Variants in NEB observed in about 807,000 individuals in gnomAD.
The protein encoded by NEB is nemaline myopathy type 2.
NEB carries 512 observed loss-of-function variants against 952.2 expected under a neutral mutation model. That is an observed-to-expected ratio of 0.54 (90% CI 0.50 to 0.58). The LOEUF (loss-of-function observed/expected upper bound fraction) is 0.58, where lower values mean the gene tolerates loss of function less well. NEB is among the 20% of genes least tolerant of loss of function. NEB has a pLI of 0.00. For missense variants in NEB, 8,428 were observed against 9,231.1 expected, an observed-to-expected ratio of 0.91 and a Z score of 3.56; for synonymous variants, 2,900 against 3,149.8, an observed-to-expected ratio of 0.92 and a Z score of 2.66.
chr2:151,646,032 A>G (rs2098952931), intron 55 of NEB, 98 bp downstream of exon 55: 2 of 876,148 alleles, frequency 2.3e-6, no homozygotes, highest in Non-Finnish European at 3.5e-6. Context: ...AATTAATTAA[A>G]ATAATTCAGG....
chr2:151,627,349 T>G (rs2098545835), intron 69 of NEB, 144 bp from the exon 70 acceptor site: 11 of 1,365,416 alleles, frequency 8.1e-6, no homozygotes, highest in Non-Finnish European at 8.9e-6. Flanking sequence ...GAATACAGTC[T>G]CAGGTATTAC....
intron 85 of NEB, among the ~76,000 whole-genome samples, chr2:151,604,117 G>T (rs1399050432): frequency 8.3e-6 from 1 of 120,620 alleles, no homozygotes; most frequent in Non-Finnish European, 1.7e-5. Flanking sequence ...AACATCAGTT[G>T]GATCTTAGGA....
intron 178 of NEB, 52 bp downstream of exon 178, chr2:151,492,046 T>G: frequency 1.9e-6 from 3 of 1,565,608 alleles, no homozygotes; most frequent in Non-Finnish European, 2.6e-6. Context: ...ACTTTTGTTC[T>G]TCTACCCCCT....
In NEB at chr2:151,496,981, T is replaced by C; in HGVS notation, c.24353A>G (p.Glu8118Gly). The change falls in exon 172 of 182, where the codon GAG (glutamate) becomes GGG (glycine). Residue 8118 changes from glutamate (E) to glycine (G), a missense_variant. Physicochemically the swap from Glu to Gly is moderately conservative, Grantham distance 98. Around this residue, in one of 11 missense-constraint regions of NEB, gnomAD observed 3,374 missense variants for 3,651.5 expected, o/e 0.92. Coordinates refer to ENST00000397345, the MANE Select transcript of NEB (RefSeq NM_001164508.2). ...GKGTPLPVTP[E>G]MERVKHNQEN... ...TTGATTGTGTTTGACTCTCTCCATC[T>C]CAGGAGTGACAGGTAGAGGGGTTCC... is the stretch of plus-strand genomic sequence containing the variant. The C allele has an allele frequency of 6.3e-7, 1 of 1,581,850 alleles. No homozygotes were observed. The highest frequency in any genetic ancestry group is 1.3e-5 in the African/African-American group (1 of 74,510).
rs1304347632 is a variant in NEB at position 151,525,385 on chromosome 2, G to C, written c.22162-112C>G. 4.0e-6 allele frequency: 3 copies of C among 747,996 alleles called. No individual in the cohort carries two copies. The African/African-American group carries it at 5.3e-5, about 13-fold the overall frequency. The allele number at this position is 747,996 out of a possible 1,614,324, so 46.3% of individuals were successfully genotyped here. On this transcript the variant is annotated intron_variant, in intron 150 of 181. Transcript: ENST00000397345. ...ATCCATGCTCCCCATTTTGGCGTCA[G>C]TCTGGGACTTAGATAAGACCCATAT...
At chr2:151,498,680 A>G (rs1406806054) in intron 169 of NEB, among the ~76,000 whole-genome samples, 1 of 152,206 alleles carries the variant, frequency 6.6e-6, no homozygotes, top group Admixed American at 6.5e-5. Context: ...GTAGAAACAG[A>G]CAAGAAACCA....
chr2:151,663,800 C>T lies in NEB; in HGVS notation c.5511G>A (p.Leu1837=), dbSNP rs2099172870. Residue 1837 remains leucine, a synonymous_variant, in exon 45 of 182, where the codon CTG becomes CTA. Coordinates refer to ENST00000397345, the MANE Select transcript of NEB (RefSeq NM_001164508.2). Reference sequence around the variant, plus strand: ...AGTGCACCAGCTTGGGGTCATCTTCCAGGCTCCGGAAGCCAATGTGTTTCC... The same window carrying T: ...AGTGCACCAGCTTGGGGTCATCTTCTAGGCTCCGGAAGCCAATGTGTTTCC... ...AKGKHIGFRS[L]EDDPKLVHFM... 2 of 1,613,856 alleles carry T rather than the reference C, an allele frequency of 1.2e-6. No homozygotes were observed. Among genetic ancestry groups the T allele is most frequent in the Middle Eastern group, 1.7e-4 (1 of 6,058 alleles).
rs1456978397 is a variant in NEB at position 151,513,533 on chromosome 2, GT to G, written c.23241+46del. 4 of 1,396,286 alleles carry G rather than the reference GT, an allele frequency of 2.9e-6. No homozygotes were observed. The Admixed American group carries it at 7.9e-5, about 27-fold the overall frequency. The allele number at this position is 1,396,286 out of a possible 1,614,324, so 86.5% of individuals were successfully genotyped here. A position where few individuals can be genotyped will look rare whatever the true frequency, so the allele number is the denominator to read the frequency against. ...CAGAGGGACACTTTATGTCCTTAAA[GT>G]TACAACTACTTTCCTGAAAGATTGA... On this transcript the variant is annotated intron_variant, in intron 160 of 181. Coordinates refer to ENST00000397345, the MANE Select transcript of NEB (RefSeq NM_001164508.2).
At chr2:151,553,310 A>G in intron 127 of NEB, 88 bp downstream of exon 127, 1 of 1,100,950 alleles carries the variant, frequency 9.1e-7, no homozygotes, top group Middle Eastern at 2.0e-4. Flanking sequence ...CTGGCCTGTG[A>G]CAATGTCCCT....
intron 164 of NEB, 62 bp from the exon 165 acceptor site, chr2:151,505,632 A>T (rs2068194495): frequency 7.5e-7 from 1 of 1,340,002 alleles, no homozygotes; most frequent in Non-Finnish European, 1.1e-6. Context: ...ATTCTTCCCA[A>T]CATGTACATG....
chr2:151,677,781 T>C lies in NEB; in HGVS notation c.3568-10A>G, dbSNP rs774345653. On this transcript the variant is annotated splice_polypyrimidine_tract_variant and intron_variant, in intron 33 of 181. Coordinates refer to ENST00000397345, the MANE Select transcript of NEB (RefSeq NM_001164508.2). ...CTTCCTTGTAGACGTTCTACAGCAATGGAGAAAAGAGGAGTGAGGGCCTAG... is the reference window on the plus strand; with the variant it reads ...CTTCCTTGTAGACGTTCTACAGCAACGGAGAAAAGAGGAGTGAGGGCCTAG... 5.0e-6 allele frequency: 8 copies of C among 1,613,680 alleles called. No individual in the cohort carries two copies. The Admixed American group carries it at 1.3e-4, about 27-fold the overall frequency.
intron 13 of NEB, among the ~76,000 whole-genome samples, chr2:151,700,580 A>G (rs1394946325): frequency 4.5e-5 from 2 of 44,328 alleles, no homozygotes; most frequent in Non-Finnish European, 9.8e-5. Flanking sequence ...GGTCCTTCAC[A>G]TCCCTTGTAA....
intron 142 of NEB, chr2:151,534,146 G>T: frequency 9.1e-7 from 1 of 1,100,274 alleles, no homozygotes; most frequent in Non-Finnish European, 1.4e-6. Context: ...TGCAGCAGAC[G>T]GGATGACATC....
chr2:151,569,989 TA>T, intron 109 of NEB, 91 bp downstream of exon 109: 1 of 1,292,730 alleles, frequency 7.7e-7, no homozygotes. Context: ...TATGAAGTCG[TA>T]AAATGATGAC....
rs2099281291 is a variant in NEB, at chr2:151,671,220, T to C, written c.4309A>G (p.Lys1437Glu). 4 of 1,612,826 alleles carry C rather than the reference T, an allele frequency of 2.5e-6. No individual in the cohort carries two copies. Among genetic ancestry groups the C allele is most frequent in the Non-Finnish European group, 3.4e-6 (4 of 1,178,912 alleles). Residue 1437 changes from lysine (K) to glutamate (E), a missense_variant, in exon 38 of 182, where the codon AAA becomes GAA. Lys to Glu is a moderately conservative substitution (Grantham distance 56, BLOSUM62 1). This residue lies in a region of NEB where 2,851 missense variants were observed against 2,791.5 expected (regional missense o/e 1.02). Transcript: ENST00000397345. ...VNQIQSDNVY[K>E]DEYNSFLKGI... The stretch of plus-strand genomic sequence containing the variant: ...TTCAAGAAGCTGTTATACTCGTCTT[T>C]ATACACATTCTGTAAAAGGGTAAGC...
chr2:151,551,832 T>C lies in NEB; in HGVS notation c.19850A>G (p.Tyr6617Cys), dbSNP rs755633016. ...GCCTCTGACACTGTGCACATAGTCA[T>C]AGTGGTAGACAGCCTGGTGCAGAAA... Reference protein sequence around the residue: ...GKQLSDAVYHYDYVHSVRGKV... With the variant: ...GKQLSDAVYHCDYVHSVRGKV... The change falls in exon 129 of 182, where the codon TAT (tyrosine) becomes TGT (cysteine). Residue 6617 changes from tyrosine to cysteine, a missense_variant. Physicochemically the swap from Tyr to Cys is radical, Grantham distance 194. This residue lies in a region of NEB where 3,374 missense variants were observed against 3,651.5 expected (regional missense o/e 0.92). Transcript: ENST00000397345. 3 of 1,611,630 alleles carry C rather than the reference T, an allele frequency of 1.9e-6. No homozygotes were observed. The highest frequency in any genetic ancestry group is 2.5e-6 in the Non-Finnish European group (3 of 1,178,280).
chr2:151,542,179 C>G (rs1022539306), intron 135 of NEB, among the ~76,000 whole-genome samples: 3 of 152,168 alleles, frequency 2.0e-5, no homozygotes, highest in African/African-American at 7.2e-5. Context: ...TCCATTCAAC[C>G]ATTCTTCCCT....
chr2:151,533,605 G>A (rs2092341922), intron 142 of NEB, 59 bp from the exon 143 acceptor site: 4 of 1,087,546 alleles, frequency 3.7e-6, no homozygotes, highest in Admixed American at 2.0e-5. Context: ...AAAAGAACAC[G>A]GCTCTATATC....
chr2:151,601,085 T>A (rs2097492658), intron 88 of NEB, among the ~76,000 whole-genome samples: 1 of 127,748 alleles, frequency 7.8e-6, no homozygotes, highest in Non-Finnish European at 1.6e-5. Context: ...GTTGAAATTT[T>A]TTTTATTTTA....
Sources: gnomAD v4.1 joint callset for allele counts (sites outside exome capture counted in the v4.1 genomes callset) on GRCh38, gnomAD v4.1.1 for gene constraint, gnomAD v4.1.1 regional missense constraint, MANE v1.5 for transcripts, NCBI Gene and HGNC (gene_info 2026-07-23, HGNC 2026-07-21) for gene names.